CAMTA1: variants seen among roughly 807,000 people sequenced by gnomAD.
The protein encoded by CAMTA1 is calmodulin binding transcription activator 1.
In CAMTA1, 27 loss-of-function variants were observed where a neutral mutation model predicts 170.9. That is an observed-to-expected ratio of 0.16 (90% CI 0.12 to 0.22). The LOEUF is 0.22. CAMTA1 is among the 10% of genes least tolerant of loss of function. The probability of loss-of-function intolerance (pLI) is 1.00; values close to 1 mark genes in which losing one functional copy is unlikely to be tolerated. For missense variants in CAMTA1, 1,619 were observed against 2,217.2 expected (o/e 0.73, Z 5.42); for synonymous variants, 833 against 891.5 (o/e 0.93, Z 1.17).
At chr1:7,312,830 CT>C (rs745664203) in intron 5 of CAMTA1, among the ~76,000 whole-genome samples, 6 of 152,212 alleles carry the variant, frequency 3.9e-5, no homozygotes, top group Non-Finnish European at 8.8e-5. Flanking sequence ...GATTTTGTGC[CT>C]TTCCTGAGCT....
rs184406671 is a variant in CAMTA1 at position 7,727,077 on chromosome 1, A to G, written c.2915-5371A>G. Among the ~76,000 whole-genome samples, 692 of 152,188 alleles carry G rather than the reference A, an allele frequency of 4.5e-3. 3 individuals are homozygous for G. Among genetic ancestry groups the G allele is most frequent in the South Asian group, 0.018 (86 of 4,810 alleles). On this transcript the variant is annotated intron_variant, in intron 11 of 22. Coordinates refer to ENST00000303635, the MANE Select transcript of CAMTA1 (RefSeq NM_015215.4). ...CTAGGACCAAACTCATCAGCTCCCT[A>G]AATCTACGCATTATTCCTACTCCCC...
At chr1:7,003,717 T>C (rs941019419) in intron 3 of CAMTA1, among the ~76,000 whole-genome samples, 2 of 152,238 alleles carry the variant, frequency 1.3e-5, no homozygotes, top group African/African-American at 2.4e-5. Context: ...TCAGAAGTTA[T>C]TGTTTCCATT....
At chr1:7,617,953 G>A (rs908382526) in intron 6 of CAMTA1, among the ~76,000 whole-genome samples, 3 of 152,138 alleles carry the variant, frequency 2.0e-5, no homozygotes, top group African/African-American at 4.8e-5. Flanking sequence ...GGCACAGATC[G>A]ACATTAGTTC....
At chr1:7,654,475 CACACACCCCTATACAT>C in intron 7 of CAMTA1, among the ~76,000 whole-genome samples, 1 of 151,962 alleles carries the variant, frequency 6.6e-6, no homozygotes, top group Middle Eastern at 3.4e-3. Flanking sequence ...ACTGTACACA[CACACACCCCTATACAT>C]ACACACACCT....
intron 5 of CAMTA1, among the ~76,000 whole-genome samples, chr1:7,362,567 G>T (rs1326570701): frequency 6.6e-6 from 1 of 152,112 alleles, no homozygotes. Context: ...TGGTGGACTT[G>T]GGTAGTGGTG....
intron 5 of CAMTA1, among the ~76,000 whole-genome samples, chr1:7,367,463 C>T (rs764441270): frequency 7.2e-5 from 11 of 152,344 alleles, no homozygotes; most frequent in East Asian, 3.9e-4. Flanking sequence ...TGGGTGAGGC[C>T]GGCTCAGCAG....
intron 3 of CAMTA1, among the ~76,000 whole-genome samples, chr1:6,980,215 G>A (rs1050181984): frequency 6.6e-6 from 1 of 152,162 alleles, no homozygotes; most frequent in African/African-American, 2.4e-5. Context: ...TCGGGGTGGA[G>A]TCGAGGGCAG....
At position 6,927,122 on chromosome 1, in the gene CAMTA1, T is replaced by G. The variant is rs898914531; in HGVS notation, c.234+101912T>G. Among the ~76,000 whole-genome samples, 4 of 151,966 alleles carry G rather than the reference T, an allele frequency of 2.6e-5. 1 individual carries two copies. Among genetic ancestry groups the G allele is most frequent in the Non-Finnish European group, 5.9e-5 (4 of 67,986 alleles). On this transcript the variant is annotated intron_variant, in intron 3 of 22. Transcript: ENST00000303635. ...TCACTGTAGCCTCAAACTCTAGGGC[T>G]CAGGTGATCCTCCTGCCTCAGCCTC...
Position 7,234,631 on chromosome 1 carries a change from A to G in CAMTA1, c.303-14860A>G, listed in dbSNP as rs574476015. Among the ~76,000 whole-genome samples, 1 of 152,348 alleles carries G rather than the reference A, an allele frequency of 6.6e-6. No individual in the cohort carries two copies. Among genetic ancestry groups the G allele is most frequent in the African/African-American group, 2.4e-5 (1 of 41,594 alleles). On this transcript the variant is annotated intron_variant, in intron 4 of 22. Coordinates refer to ENST00000303635, the MANE Select transcript of CAMTA1 (RefSeq NM_015215.4). The surrounding 1 kb of genome is among the most constrained non-coding windows in gnomAD (Gnocchi z 5.0). Reference sequence around the variant, plus strand: ...GCCCTGGGAGCCCTGGGAAGGTGCCATGAAGGAGGCGTTCCTCCAGTCTTG... The same window carrying G: ...GCCCTGGGAGCCCTGGGAAGGTGCCGTGAAGGAGGCGTTCCTCCAGTCTTG...
chr1:7,141,468 C>G (rs373307677), intron 4 of CAMTA1, among the ~76,000 whole-genome samples: 6 of 152,320 alleles, frequency 3.9e-5, no homozygotes, highest in African/African-American at 1.4e-4. Context: ...TCATGGCTAA[C>G]GTCTCCAGAT....
chr1:7,341,793 G>C (rs2083852990), intron 5 of CAMTA1, among the ~76,000 whole-genome samples: 1 of 152,232 alleles, frequency 6.6e-6, no homozygotes, highest in Non-Finnish European at 1.5e-5. Context: ...AATCGTGACT[G>C]TCTTAGTCTC....
intron 6 of CAMTA1, among the ~76,000 whole-genome samples, chr1:7,476,831 AAC>A (rs1350543704): frequency 6.6e-6 from 1 of 152,144 alleles, no homozygotes; most frequent in African/African-American, 2.4e-5. Context: ...TAGCAATAAC[AAC>A]AGTCATCGAA....
chr1:7,276,303 A>ATATATATATATATATATTTTTTTTTTTTT, intron 5 of CAMTA1, among the ~76,000 whole-genome samples: 1 of 24,228 alleles, frequency 4.1e-5, no homozygotes, highest in African/African-American at 3.0e-4. Flanking sequence ...ATATATATAT[A>ATATATATATATATATATTTTTTTTTTTTT]TTTTTTTTTT....
At chr1:6,885,774 C>G (rs1352164099) in intron 3 of CAMTA1, among the ~76,000 whole-genome samples, 2 of 152,186 alleles carry the variant, frequency 1.3e-5, no homozygotes, top group East Asian at 3.8e-4. Flanking sequence ...CATGCCCCAC[C>G]CAGCTGCATC....
intron 4 of CAMTA1, among the ~76,000 whole-genome samples, chr1:7,217,661 T>C (rs1660000618): frequency 6.6e-6 from 1 of 152,166 alleles, no homozygotes; most frequent in African/African-American, 2.4e-5. Context: ...TTTAGTCTAA[T>C]GGGTACCTTT....
intron 3 of CAMTA1, among the ~76,000 whole-genome samples, chr1:6,847,789 C>T (rs1167410800): frequency 3.3e-5 from 5 of 151,624 alleles, no homozygotes; most frequent in East Asian, 3.9e-4. Context: ...CTGCAACCTC[C>T]GTCTCCCGGG....
intron 4 of CAMTA1, among the ~76,000 whole-genome samples, chr1:7,235,718 G>A (rs948298774): frequency 6.6e-6 from 1 of 152,204 alleles, no homozygotes; most frequent in Non-Finnish European, 1.5e-5. Flanking sequence ...CATTGAACAC[G>A]GCAAAAGCAG....
chr1:7,291,014 T>G (rs1361717805), intron 5 of CAMTA1, among the ~76,000 whole-genome samples: 1 of 152,028 alleles, frequency 6.6e-6, no homozygotes, highest in Non-Finnish European at 1.5e-5. Flanking sequence ...GCAGTGTCTT[T>G]TGTGTGGGAT....
At chr1:7,745,703 A>C in intron 17 of CAMTA1, 142 bp from the exon 18 acceptor site, 1 of 924,472 alleles carries the variant, frequency 1.1e-6, no homozygotes, top group Non-Finnish European at 1.7e-6. Context: ...TATGTTTAGC[A>C]ACTTGCCTAA....
Sources: gnomAD v4.1 joint callset for allele counts (sites outside exome capture counted in the v4.1 genomes callset) on GRCh38, gnomAD v4.1.1 for gene constraint, Gnocchi (gnomAD v3.1) non-coding constraint, MANE v1.5 for transcripts, NCBI Gene and HGNC (gene_info 2026-07-23, HGNC 2026-07-21) for gene names.